Variants in DCDC1 observed in about 807,000 individuals in gnomAD.
DCDC1 encodes the protein doublecortin domain containing 1.
In DCDC1, 200 loss-of-function variants were observed where a neutral mutation model predicts 178.3. The observed-to-expected ratio is 1.12, with a 90% CI of 1.00 to 1.26. The LOEUF (loss-of-function observed/expected upper bound fraction) is 1.26, where lower values mean the gene tolerates loss of function less well. Among genes scored for constraint, DCDC1 ranks in the 50% most tolerant of loss-of-function variants. DCDC1 has a pLI of 0.00. For synonymous variants in DCDC1, 690 were observed against 604.8 expected (o/e 1.14, Z -2.07); for missense variants, 1,983 against 1,749.2 (o/e 1.13, Z -2.38).
intron 9 of DCDC1, among the ~76,000 whole-genome samples, chr11:31,224,773 A>T (rs1218298946): frequency 6.6e-6 from 1 of 152,078 alleles, no homozygotes; most frequent in Non-Finnish European, 1.5e-5. Context: ...CAACATCAGT[A>T]ATTATCAGGG....
At chr11:31,062,085 C>G (rs1353957484) in intron 20 of DCDC1, among the ~76,000 whole-genome samples, 1 of 152,082 alleles carries the variant, frequency 6.6e-6, no homozygotes, top group Non-Finnish European at 1.5e-5. Flanking sequence ...GGTGAGTTAT[C>G]ATGAGGGCCA....
chr11:31,362,015 C>T (rs992061634), intron 1 of DCDC1, among the ~76,000 whole-genome samples: 1 of 152,184 alleles, frequency 6.6e-6, no homozygotes, highest in Non-Finnish European at 1.5e-5. Flanking sequence ...TTTGGCTACA[C>T]TTTCCTACCT....
intron 7 of DCDC1, chr11:31,280,855 G>A (rs928339761): frequency 4.8e-6 from 3 of 630,138 alleles, no homozygotes; most frequent in African/African-American, 1.8e-5. Flanking sequence ...TGAATACAAT[G>A]GCCTGACCTG....
chr11:30,921,877 G>T (rs1436229750), intron 24 of DCDC1, among the ~76,000 whole-genome samples: 1 of 152,072 alleles, frequency 6.6e-6, no homozygotes, highest in African/African-American at 2.4e-5. Flanking sequence ...TCTTTTTGGG[G>T]AGCTTTCCAA....
At chr11:30,933,188 A>G (rs183706499) in intron 21 of DCDC1, among the ~76,000 whole-genome samples, 86 of 152,108 alleles carry the variant, frequency 5.7e-4, no homozygotes, top group Non-Finnish European at 1.5e-5. Context: ...GTAAGTCTTG[A>G]TAACTGGTAG....
chr11:31,029,395 G>C (rs1358899350), intron 20 of DCDC1, among the ~76,000 whole-genome samples: 1 of 152,084 alleles, frequency 6.6e-6, no homozygotes, highest in Non-Finnish European at 1.5e-5. Flanking sequence ...TTTCTGTTAA[G>C]TGGCTCTTTA....
chr11:31,115,996 T>TGGGGGGGGGGGGG (rs1555066794), intron 11 of DCDC1, among the ~76,000 whole-genome samples: 5 of 44,972 alleles, frequency 1.1e-4, no homozygotes, highest in Admixed American at 2.8e-4. Flanking sequence ...GGGGGGGGGA[T>TGGGGGGGGGGGGG]GGGTATCTCA....
chr11:30,874,366 T>G (rs1216322398), intron 38 of DCDC1, among the ~76,000 whole-genome samples: 1 of 152,200 alleles, frequency 6.6e-6, no homozygotes, highest in African/African-American at 2.4e-5. Context: ...ACACTCAAAT[T>G]TGAGAATCAT....
intron 4 of DCDC1, among the ~76,000 whole-genome samples, chr11:31,307,020 G>A (rs968506952): frequency 5.3e-5 from 8 of 152,030 alleles, no homozygotes; most frequent in African/African-American, 1.9e-4. Context: ...ACTGACTAAC[G>A]TCAAATTTTC....
rs72886078 is a variant in DCDC1 at position 31,217,683 on chromosome 11, T to C, written c.1221+23767A>G. On this transcript the variant is annotated intron_variant, in intron 9 of 38. Coordinates refer to ENST00000684477, the MANE Select transcript of DCDC1 (RefSeq NM_001387274.1). ...ATACTCAACTCAAAGGGGAATTAAT[T>C]ACTGAAAGACAGGATATTTTAAAAA... 5.4e-3 allele frequency among the ~76,000 whole-genome samples: 818 copies of C among 152,280 alleles called. 4 individuals carry two copies. Among genetic ancestry groups the C allele is most frequent in the Non-Finnish European group, 0.01 (694 of 67,976 alleles).
intron 6 of DCDC1, 41 bp from the exon 7 acceptor site, chr11:31,290,893 A>C (rs777916661): frequency 6.4e-7 from 1 of 1,571,058 alleles, no homozygotes; most frequent in South Asian, 1.1e-5. Flanking sequence ...ATTTGGCTTC[A>C]AAATTAAAAA....
intron 3 of DCDC1, among the ~76,000 whole-genome samples, chr11:31,315,512 A>G (rs1040901659): frequency 2.0e-5 from 3 of 150,468 alleles, no homozygotes; most frequent in Non-Finnish European, 3.0e-5. Flanking sequence ...AATTTTTTGT[A>G]TTTTTAGTAG....
intron 1 of DCDC1, among the ~76,000 whole-genome samples, chr11:31,359,847 C>T (rs1951617369): frequency 6.6e-6 from 1 of 152,144 alleles, no homozygotes; most frequent in African/African-American, 2.4e-5. Context: ...AGAGCTTTTA[C>T]ATATAAGAGC....
intron 20 of DCDC1, among the ~76,000 whole-genome samples, chr11:31,010,000 C>G: frequency 6.6e-6 from 1 of 152,192 alleles, no homozygotes; most frequent in East Asian, 1.9e-4. Flanking sequence ...GATTCAATTA[C>G]CTCCCACTGG....
chr11:31,018,924 G>A (rs1201630948), intron 20 of DCDC1, among the ~76,000 whole-genome samples: 1 of 152,110 alleles, frequency 6.6e-6, no homozygotes, highest in Non-Finnish European at 1.5e-5. Context: ...ATGCTGAAAT[G>A]GAATAAGGAT....
chr11:31,148,210 TAAAAAAAAAAAAAA>T (rs55829692), intron 9 of DCDC1, among the ~76,000 whole-genome samples: 1 of 95,672 alleles, frequency 1.0e-5, no homozygotes, highest in South Asian at 3.7e-4. Context: ...TTTATTATTA[TAAAAAAAAAAAAAA>T]AAAAAAAAAA....
intron 9 of DCDC1, among the ~76,000 whole-genome samples, chr11:31,162,020 A>G (rs1305174886): frequency 4.6e-5 from 7 of 152,214 alleles, no homozygotes; most frequent in Non-Finnish European, 8.8e-5. Flanking sequence ...AGTGCTCAAA[A>G]ATTAAGCCAT....
At chr11:31,323,441 C>T (rs1949477591) in intron 3 of DCDC1, among the ~76,000 whole-genome samples, 2 of 152,166 alleles carry the variant, frequency 1.3e-5, no homozygotes, top group African/African-American at 2.4e-5. Context: ...AAATGAAGTA[C>T]ATCAAATCTA....
At chr11:31,340,298 T>C (rs1950478436) in intron 1 of DCDC1, among the ~76,000 whole-genome samples, 1 of 151,992 alleles carries the variant, frequency 6.6e-6, no homozygotes, top group Admixed American at 6.6e-5. Flanking sequence ...AGTGAGACCT[T>C]GGAAGAAAAT....
Sources: allele counts gnomAD v4.1 joint callset (sites outside exome capture counted in the v4.1 genomes callset), GRCh38; gene constraint gnomAD v4.1.1; transcripts MANE v1.5; gene names NCBI Gene and HGNC (gene_info 2026-07-23, HGNC 2026-07-21).